CAMTA1: variants seen among roughly 807,000 people sequenced by gnomAD.
CAMTA1 encodes the protein calmodulin binding transcription activator 1.
Under a neutral mutation model 170.9 loss-of-function variants are expected in CAMTA1, and 27 were observed. That is an observed-to-expected ratio of 0.16 (90% CI 0.12 to 0.22). The LOEUF (loss-of-function observed/expected upper bound fraction) is 0.22. CAMTA1 is among the 10% of genes least tolerant of loss of function. The probability of loss-of-function intolerance (pLI) is 1.00; values close to 1 mark genes in which losing one functional copy is unlikely to be tolerated. For missense variants in CAMTA1, 1,619 were observed against 2,217.2 expected, an observed-to-expected ratio of 0.73 and a Z score of 5.42; for synonymous variants, 833 against 891.5, an observed-to-expected ratio of 0.93 and a Z score of 1.17.
intron 3 of CAMTA1, among the ~76,000 whole-genome samples, chr1:6,837,027 C>T (rs144913991): frequency 6.6e-6 from 1 of 151,276 alleles, no homozygotes; most frequent in East Asian, 2.0e-4. Flanking sequence ...AATCTCCGCT[C>T]ACTGCAATCT....
rs138267162 is a variant in CAMTA1, at chr1:6,805,944, G to A, written c.46-14237G>A. 3.9e-3 allele frequency among the ~76,000 whole-genome samples: 595 copies of A among 151,946 alleles called. 5 individuals are homozygous for A. The highest frequency in any genetic ancestry group is 0.013 in the African/African-American group (559 of 41,416). ...AATAAGAAACCATTGTCATATCCAA[G>A]GTCGTGAAGGTTTACACCTGTGTTT... On this transcript the variant is annotated intron_variant, in intron 1 of 22. Coordinates refer to ENST00000303635, the MANE Select transcript of CAMTA1 (RefSeq NM_015215.4).
At chr1:7,058,095 C>T (rs1043988538) in intron 3 of CAMTA1, among the ~76,000 whole-genome samples, 6 of 152,294 alleles carry the variant, frequency 3.9e-5, no homozygotes, top group East Asian at 1.9e-4. Context: ...TCCTCTCTTT[C>T]CCCTCACACC....
At chr1:7,501,815 G>A (rs1020699919) in intron 6 of CAMTA1, among the ~76,000 whole-genome samples, 1 of 152,076 alleles carries the variant, frequency 6.6e-6, no homozygotes, top group African/African-American at 2.4e-5. Flanking sequence ...ATAGAGTCTG[G>A]GGGTTCTAGG....
chr1:6,792,130 G>A (rs889411474), intron 1 of CAMTA1, among the ~76,000 whole-genome samples: 3 of 151,592 alleles, frequency 2.0e-5, no homozygotes, highest in African/African-American at 4.8e-5. Context: ...ATTTTTTTTC[G>A]TATTTTTAGT....
intron 6 of CAMTA1, among the ~76,000 whole-genome samples, chr1:7,541,502 G>A (rs2094610389): frequency 6.6e-6 from 1 of 152,228 alleles, no homozygotes; most frequent in African/African-American, 2.4e-5. Flanking sequence ...TATGTTAGAA[G>A]AATAAAGTAA....
chr1:6,850,163 A>C (rs1659856204), intron 3 of CAMTA1, among the ~76,000 whole-genome samples: 1 of 152,184 alleles, frequency 6.6e-6, no homozygotes, highest in Admixed American at 6.5e-5. Context: ...GTCAATACTT[A>C]CTTTGTGTTC....
intron 6 of CAMTA1, among the ~76,000 whole-genome samples, chr1:7,556,708 C>T (rs1487916796): frequency 1.3e-5 from 2 of 152,164 alleles, no homozygotes; most frequent in Non-Finnish European, 2.9e-5. Flanking sequence ...GGCCATCCAC[C>T]TCCCCTCCTC....
At chr1:7,125,849 C>G (rs1644902629) in intron 4 of CAMTA1, among the ~76,000 whole-genome samples, 1 of 152,204 alleles carries the variant, frequency 6.6e-6, no homozygotes. Context: ...TCCTTTCCAT[C>G]TCTCCTCCCC....
rs1250158730 is a variant in CAMTA1 at position 7,067,300 on chromosome 1, TC to T, written c.235-24001del. ...TGTCCCTTGTACTCAGGGTCTCTCT[TC>T]CCTGGACAGTGCTAGACAAATAGGA... On this transcript the variant is annotated intron_variant, in intron 3 of 22. Transcript: ENST00000303635. This position sits in a 1 kb window ranked among gnomAD's most constrained non-coding sequence, Gnocchi z 4.3. Among the ~76,000 whole-genome samples, 1 of 152,166 alleles carries T rather than the reference TC, an allele frequency of 6.6e-6. No individual in the cohort carries two copies. Among genetic ancestry groups the T allele is most frequent in the Non-Finnish European group, 1.5e-5 (1 of 68,022 alleles).
chr1:7,366,715 G>A (rs1218072915), intron 5 of CAMTA1, among the ~76,000 whole-genome samples: 2 of 152,194 alleles, frequency 1.3e-5, no homozygotes, highest in Non-Finnish European at 2.9e-5. Flanking sequence ...GAAGGCCCTT[G>A]GGCTGCAAGC....
intron 3 of CAMTA1, among the ~76,000 whole-genome samples, chr1:7,083,167 A>G (rs1291512051): frequency 1.3e-5 from 2 of 152,200 alleles, no homozygotes; most frequent in African/African-American, 4.8e-5. Context: ...TGTCTCAATA[A>G]CAGACAGCCA....
intron 4 of CAMTA1, among the ~76,000 whole-genome samples, chr1:7,142,840 A>G (rs1433318513): frequency 6.6e-6 from 1 of 152,232 alleles, no homozygotes; most frequent in Non-Finnish European, 1.5e-5. Flanking sequence ...ACCCAGCCTT[A>G]GCTATTCCTT....
intron 1 of CAMTA1, among the ~76,000 whole-genome samples, chr1:6,788,243 T>G (rs1286812417): frequency 2.8e-5 from 4 of 142,352 alleles, no homozygotes; most frequent in African/African-American, 1.0e-4. Context: ...AGCAGGGAAG[T>G]CTTACTCTTT....
rs562591760 is a variant in CAMTA1 at position 6,971,050 on chromosome 1, C to T, written c.235-120254C>T. ...CCTTCTCAGGGCTTTGGAAGCCCCT[C>T]TTCTTTCCAAAGGGGCTTGGCTTTC... On this transcript the variant is annotated intron_variant, in intron 3 of 22. Transcript: ENST00000303635. This position sits in a 1 kb window ranked among gnomAD's most constrained non-coding sequence, Gnocchi z 4.6. Among the ~76,000 whole-genome samples, 45 of 152,344 alleles carry T rather than the reference C, an allele frequency of 3.0e-4. No homozygotes were observed. The highest frequency in any genetic ancestry group is 1.1e-3 in the African/African-American group (44 of 41,586).
intron 5 of CAMTA1, among the ~76,000 whole-genome samples, chr1:7,394,794 C>G (rs2089110007): frequency 6.7e-6 from 1 of 148,336 alleles, no homozygotes; most frequent in South Asian, 2.2e-4. Context: ...AAGCATTTCC[C>G]CTATATTTTC....
chr1:7,355,680 G>A (rs1353927753), intron 5 of CAMTA1, among the ~76,000 whole-genome samples: 1 of 152,188 alleles, frequency 6.6e-6, no homozygotes, highest in African/African-American at 2.4e-5. Context: ...GTCTTCAGAT[G>A]CTCCAGTGGC....
chr1:7,061,300 A>G (rs1462948418), intron 3 of CAMTA1, among the ~76,000 whole-genome samples: 2 of 152,196 alleles, frequency 1.3e-5, no homozygotes, highest in Non-Finnish European at 2.9e-5. Flanking sequence ...GGTGCCCTGT[A>G]CAACTCCACA....
chr1:7,553,570 C>T (rs1005955896), intron 6 of CAMTA1, among the ~76,000 whole-genome samples: 1 of 152,328 alleles, frequency 6.6e-6, no homozygotes, highest in Middle Eastern at 3.4e-3. Context: ...TGGTGTCCCC[C>T]ATCTGTGCAC....
intron 6 of CAMTA1, among the ~76,000 whole-genome samples, chr1:7,567,594 T>A (rs1212650117): frequency 6.6e-6 from 1 of 152,234 alleles, no homozygotes; most frequent in Non-Finnish European, 1.5e-5. Flanking sequence ...CCTGGTGGGT[T>A]GTTTGCACTG....
Sources: allele counts gnomAD v4.1 joint callset (sites outside exome capture counted in the v4.1 genomes callset), GRCh38; gene constraint gnomAD v4.1.1; non-coding constraint Gnocchi (gnomAD v3.1); transcripts MANE v1.5; gene names NCBI Gene and HGNC (gene_info 2026-07-23, HGNC 2026-07-21).